The following ADGRL2 variants were observed in gnomAD, a reference collection of about 807,000 sequenced individuals.
ADGRL2 encodes the protein calcium-independent alpha-latrotoxin receptor 2.
In ADGRL2, 44 loss-of-function variants were observed where a neutral mutation model predicts 157.4. That is an observed-to-expected ratio of 0.28 (90% CI 0.22 to 0.36). The LOEUF (loss-of-function observed/expected upper bound fraction) is 0.36. Among genes scored for constraint, ADGRL2 ranks in the 10% least tolerant of loss-of-function variants. The pLI, the probability that ADGRL2 is intolerant of heterozygous loss-of-function variation, is 1.00. For missense variants in ADGRL2, 1,510 were observed against 1,768.9 expected, an observed-to-expected ratio of 0.85 and a Z score of 2.63; for synonymous variants, 585 against 624.7, an observed-to-expected ratio of 0.94 and a Z score of 0.95.
chr1:81,599,733 C>G (rs564061525), intron 3 of ADGRL2, among the ~76,000 whole-genome samples: 3 of 152,120 alleles, frequency 2.0e-5, no homozygotes, highest in African/African-American at 7.2e-5. Context: ...CTAAGTATTG[C>G]TCTCTCCATT....
At chr1:81,903,204 A>C (rs2094520094) in intron 2 of ADGRL2, among the ~76,000 whole-genome samples, 1 of 152,208 alleles carries the variant, frequency 6.6e-6, no homozygotes, top group Non-Finnish European at 1.5e-5. Context: ...TGCTCTTTCC[A>C]TGTGTACCTA....
At chr1:81,650,197 C>A (rs1570734087) in intron 3 of ADGRL2, among the ~76,000 whole-genome samples, 2 of 152,004 alleles carry the variant, frequency 1.3e-5, no homozygotes, top group African/African-American at 4.8e-5. Context: ...TCAACAAATT[C>A]TGTTAAATAA....
chr1:81,366,631 C>A (rs886342472), intron 1 of ADGRL2, among the ~76,000 whole-genome samples: 1 of 152,160 alleles, frequency 6.6e-6, no homozygotes, highest in Non-Finnish European at 1.5e-5. Flanking sequence ...ATAGAAATAA[C>A]TTGTCTTGGC....
At chr1:81,383,412 T>C (rs879524025) in intron 1 of ADGRL2, among the ~76,000 whole-genome samples, 1 of 152,012 alleles carries the variant, frequency 6.6e-6, no homozygotes, top group Non-Finnish European at 1.5e-5. Flanking sequence ...GAATGAGGAA[T>C]AGATAGAGAG....
chr1:81,973,083 A>C (rs1302578805), intron 17 of ADGRL2, among the ~76,000 whole-genome samples: 3 of 152,144 alleles, frequency 2.0e-5, no homozygotes, highest in Non-Finnish European at 2.9e-5. Flanking sequence ...GCAGTGTTTC[A>C]TGAAATTGAG....
intron 1 of ADGRL2, among the ~76,000 whole-genome samples, chr1:81,320,357 T>C (rs914093858): frequency 6.6e-6 from 1 of 152,210 alleles, no homozygotes; most frequent in Non-Finnish European, 1.5e-5. Flanking sequence ...CCATTTTGAC[T>C]TCTCCTGTGA....
chr1:81,719,011 A>G (rs2084209254), intron 1 of ADGRL2, among the ~76,000 whole-genome samples: 1 of 152,202 alleles, frequency 6.6e-6, no homozygotes, highest in African/African-American at 2.4e-5. Context: ...ATTAACCCTT[A>G]TGGACAGGAT....
At chr1:81,731,113 G>A (rs1336931491) in intron 1 of ADGRL2, among the ~76,000 whole-genome samples, 7 of 152,138 alleles carry the variant, frequency 4.6e-5, no homozygotes, top group Admixed American at 3.9e-4. Flanking sequence ...ATAATTTGAC[G>A]TCAGGAAGCC....
chr1:81,459,737 CAT>C (rs751682703), intron 2 of ADGRL2, among the ~76,000 whole-genome samples: 2 of 150,824 alleles, frequency 1.3e-5, no homozygotes, highest in East Asian at 3.9e-4. Flanking sequence ...CATACACACA[CAT>C]ATATACACAC....
intron 2 of ADGRL2, among the ~76,000 whole-genome samples, chr1:81,872,169 G>A (rs1255296410): frequency 6.6e-6 from 1 of 152,074 alleles, no homozygotes; most frequent in Non-Finnish European, 1.5e-5. Context: ...AGTTTTCCCA[G>A]CACCATTTAT....
chr1:81,428,133 C>T (rs986391210), intron 1 of ADGRL2, among the ~76,000 whole-genome samples: 3 of 152,060 alleles, frequency 2.0e-5, no homozygotes, highest in Non-Finnish European at 4.4e-5. Flanking sequence ...TGTAAAGAAA[C>T]ATTTGCTGAC....
At chr1:81,736,106 G>C (rs1178249986) in intron 1 of ADGRL2, among the ~76,000 whole-genome samples, 3 of 145,772 alleles carry the variant, frequency 2.1e-5, no homozygotes, top group Non-Finnish European at 4.4e-5. Flanking sequence ...TCACGCCACT[G>C]CAGTCTAGCC....
At chr1:81,699,020 G>A (rs1382615618), upstream of ADGRL2, among the ~76,000 whole-genome samples, 1 of 152,074 alleles carries the variant, frequency 6.6e-6, no homozygotes, top group Non-Finnish European at 1.5e-5. Context: ...TTTAGAAGAA[G>A]TAAAAGGATC....
At chr1:81,513,240 G>T (rs1050576735) in intron 2 of ADGRL2, among the ~76,000 whole-genome samples, 6 of 152,148 alleles carry the variant, frequency 3.9e-5, no homozygotes, top group African/African-American at 1.4e-4. Flanking sequence ...GATTGGTTGT[G>T]ATTTTTGATA....
intron 1 of ADGRL2, among the ~76,000 whole-genome samples, chr1:81,407,655 A>T (rs1319719591): frequency 6.6e-6 from 1 of 152,266 alleles, no homozygotes; most frequent in Non-Finnish European, 1.5e-5. Flanking sequence ...GATGTCAGTA[A>T]TAAAAGCATG....
At position 81,356,971 on chromosome 1, in the gene ADGRL2, A is replaced by AAAAAAAAAAAAAAAAAAAG. The variant is rs80327519; in HGVS notation, c.-302+50464_-302+50465insAAAAAAAAAAAAAAAAGAA. 9.1e-5 allele frequency among the ~76,000 whole-genome samples: 9 copies of AAAAAAAAAAAAAAAAAAAG among 99,304 alleles called. No homozygotes were observed. The South Asian group carries it at 1.9e-3, about 21-fold the overall frequency. 65.1% of individuals were successfully genotyped at this position (99,304 alleles called of 152,430 possible). A position where few individuals can be genotyped will look rare whatever the true frequency, so the allele number is the denominator to read the frequency against. Reference sequence around the variant, plus strand: ...CCGTCTCAAAAAAAAAAAAAAAAAAAAAGAAGTTGTTTCCTTTTAAAGCTC... The same window carrying AAAAAAAAAAAAAAAAAAAG: ...CCGTCTCAAAAAAAAAAAAAAAAAAAAAAAAAAAAAAAAAAAAAGAAGAAGTTGTTTCCTTTTAAAGCTC... On this transcript the variant is annotated intron_variant, in intron 1 of 24. Transcript: ENST00000370721.
At chr1:81,330,264 ATGAGGAT>A (rs1347682365) in intron 1 of ADGRL2, among the ~76,000 whole-genome samples, 4 of 152,156 alleles carry the variant, frequency 2.6e-5, no homozygotes, top group African/African-American at 9.6e-5. Flanking sequence ...TACTGACCCA[ATGAGGAT>A]TAATTCAAAC....
At chr1:81,412,228 T>C (rs2076957971) in intron 1 of ADGRL2, among the ~76,000 whole-genome samples, 1 of 152,212 alleles carries the variant, frequency 6.6e-6, no homozygotes, top group Non-Finnish European at 1.5e-5. Flanking sequence ...CCAGGAAATC[T>C]GGTTCCAAAG....
intron 2 of ADGRL2, among the ~76,000 whole-genome samples, chr1:81,765,288 A>C (rs1465662362): frequency 6.6e-6 from 1 of 151,884 alleles, no homozygotes; most frequent in East Asian, 1.9e-4. Context: ...CCTTTTTTGC[A>C]TGTACTCGGT....
Sources: gnomAD v4.1 joint callset for allele counts (sites outside exome capture counted in the v4.1 genomes callset) on GRCh38, gnomAD v4.1.1 for gene constraint, MANE v1.5 for transcripts, NCBI Gene and HGNC (gene_info 2026-07-23, HGNC 2026-07-21) for gene names.